The following AUTS2 variants were observed in gnomAD, a reference collection of about 807,000 sequenced individuals.
AUTS2 encodes the protein activator of transcription and developmental regulator AUTS2, also known as autism susceptibility gene 2 protein.
AUTS2 carries 17 observed loss-of-function variants against 112.4 expected under a neutral mutation model. The observed-to-expected ratio is 0.15, with a 90% CI of 0.10 to 0.23. The LOEUF is 0.23. Among genes scored for constraint, AUTS2 ranks in the 10% least tolerant of loss-of-function variants. The pLI is 1.00. For synonymous variants in AUTS2, 751 were observed against 702.7 expected (o/e 1.07, Z -1.09); for missense variants, 1,510 against 1,701.6 (o/e 0.89, Z 1.98).
chr7:70,482,113 T>C (rs1469260811), intron 5 of AUTS2, among the ~76,000 whole-genome samples: 1 of 152,194 alleles, frequency 6.6e-6, no homozygotes, highest in East Asian at 1.9e-4. Flanking sequence ...TTTTGATTTC[T>C]TTGAAGATAA....
In AUTS2 at chr7:70,155,585, C is replaced by T. The variant is rs531098856; in HGVS notation, c.660+21014C>T. On this transcript the variant is annotated intron_variant, in intron 4 of 18. Coordinates refer to ENST00000342771, the MANE Select transcript of AUTS2 (RefSeq NM_015570.4). ...TTGTTTTTAATCCTTTCTCGGTATC[C>T]GTCTCTGGCCATCCTTATCTTTACT... 5.9e-5 allele frequency among the ~76,000 whole-genome samples: 9 copies of T among 151,838 alleles called. No individual in the cohort carries two copies. In the East Asian group the frequency reaches 7.7e-4, roughly 13 times the overall value.
At chr7:69,951,533 C>T (rs895817599) in intron 2 of AUTS2, among the ~76,000 whole-genome samples, 1 of 152,080 alleles carries the variant, frequency 6.6e-6, no homozygotes, top group Admixed American at 6.6e-5. Context: ...AGAAGCCATC[C>T]GTTTTGCATT....
chr7:70,498,653 C>G (rs1798655479), intron 5 of AUTS2, among the ~76,000 whole-genome samples: 1 of 152,130 alleles, frequency 6.6e-6, no homozygotes, highest in Admixed American at 6.5e-5. Flanking sequence ...GGAGCCTGTT[C>G]AAACTCATTT....
chr7:70,746,722 G>A (rs368729652), intron 6 of AUTS2, among the ~76,000 whole-genome samples: 2 of 152,152 alleles, frequency 1.3e-5, no homozygotes, highest in African/African-American at 4.8e-5. Flanking sequence ...AGAGGGAGAG[G>A]GGGGCAGGCC....
intron 5 of AUTS2, among the ~76,000 whole-genome samples, chr7:70,480,200 C>T (rs1585195157): frequency 6.6e-6 from 1 of 152,334 alleles, no homozygotes; most frequent in East Asian, 1.9e-4. Context: ...CGGATATGTC[C>T]AGTGTATGTG....
At chr7:69,648,325 A>G (rs956462924) in intron 1 of AUTS2, among the ~76,000 whole-genome samples, 4 of 152,212 alleles carry the variant, frequency 2.6e-5, no homozygotes, top group African/African-American at 9.7e-5. Flanking sequence ...CTGCTTAAGA[A>G]GTAAAACATT....
At chr7:69,867,243 A>G (rs1468453125) in intron 1 of AUTS2, among the ~76,000 whole-genome samples, 1 of 152,190 alleles carries the variant, frequency 6.6e-6, no homozygotes, top group African/African-American at 2.4e-5. Context: ...GGAGGCAGAT[A>G]GGCCTTGAGG....
chr7:70,631,118 G>A lies in AUTS2; in HGVS notation c.691-67451G>A, dbSNP rs975395358. On this transcript the variant is annotated intron_variant, in intron 5 of 18. Transcript: ENST00000342771. This position sits in a 1 kb window ranked among gnomAD's most constrained non-coding sequence, Gnocchi z 4.5. Reference sequence around the variant, plus strand: ...CAGCAGCAGCCACAGCCAGCAACCCGCTCTGGCCCCTCGCCGCGCCATTCC... The same window carrying A: ...CAGCAGCAGCCACAGCCAGCAACCCACTCTGGCCCCTCGCCGCGCCATTCC... Among the ~76,000 whole-genome samples the A allele has an allele frequency of 9.2e-5, 14 of 152,256 alleles. No homozygotes were observed. The highest frequency in any genetic ancestry group is 2.1e-4 in the South Asian group (1 of 4,820).
intron 4 of AUTS2, among the ~76,000 whole-genome samples, chr7:70,258,343 T>A (rs1786989881): frequency 6.6e-6 from 1 of 152,210 alleles, no homozygotes; most frequent in South Asian, 2.1e-4. Context: ...CAGTAGCAAA[T>A]GTCATCAAAG....
intron 4 of AUTS2, among the ~76,000 whole-genome samples, chr7:70,142,206 C>T (rs1042851021): frequency 1.3e-5 from 2 of 152,134 alleles, no homozygotes; most frequent in Non-Finnish European, 1.5e-5. Flanking sequence ...AGCCCTCAGC[C>T]GTTATCTCTC....
chr7:70,009,590 A>C (rs1017939647), intron 2 of AUTS2, among the ~76,000 whole-genome samples: 2 of 152,210 alleles, frequency 1.3e-5, no homozygotes, highest in African/African-American at 2.4e-5. Context: ...GGTTTTATGC[A>C]CCTACTAAGT....
intron 1 of AUTS2, among the ~76,000 whole-genome samples, chr7:69,753,354 GT>G (rs11355878): frequency 0.18 from 26,175 of 148,156 alleles, 2,552 homozygotes; most frequent in Middle Eastern, 0.23. Flanking sequence ...CTGTTGATCT[GT>G]TTTTTTTTTT....
chr7:70,781,033 G>A (rs1791034712), intron 14 of AUTS2, among the ~76,000 whole-genome samples: 1 of 152,100 alleles, frequency 6.6e-6, no homozygotes, highest in Admixed American at 6.5e-5. Context: ...TCCATAAATA[G>A]GATATGGTTT....
chr7:70,561,561 G>A (rs768500751), intron 5 of AUTS2, among the ~76,000 whole-genome samples: 68 of 152,266 alleles, frequency 4.5e-4, no homozygotes, highest in Non-Finnish European at 9.1e-4. Flanking sequence ...AGGAGTTTGA[G>A]GCTGCAGTGA....
At chr7:70,328,106 C>T (rs547687828) in intron 4 of AUTS2, among the ~76,000 whole-genome samples, 7 of 152,230 alleles carry the variant, frequency 4.6e-5, no homozygotes, top group Non-Finnish European at 7.4e-5. Flanking sequence ...CAGCAGGACC[C>T]CTTCTACCTT....
At chr7:70,020,971 T>C (rs1234717498) in intron 2 of AUTS2, among the ~76,000 whole-genome samples, 1 of 151,000 alleles carries the variant, frequency 6.6e-6, no homozygotes, top group Non-Finnish European at 1.5e-5. Flanking sequence ...ATGCCCAGCC[T>C]AGAAACTTTT....
intron 4 of AUTS2, among the ~76,000 whole-genome samples, chr7:70,297,089 A>G (rs550294008): frequency 6.8e-6 from 1 of 147,846 alleles, no homozygotes; most frequent in East Asian, 2.0e-4. Flanking sequence ...GACTCAAGCC[A>G]TCCTCCCACC....
rs188422604 is a variant in AUTS2, at chr7:70,786,797, G to T, written c.2309-412G>T. On this transcript the variant is annotated intron_variant, in intron 17 of 18. Transcript: ENST00000342771. ...TCTGGTCTCTGGTGACACTTGAGAG[G>T]GCCACGGTGGGTAGAGGAGACAGTG... 1.7e-4 allele frequency: 53 copies of T among 313,350 alleles called. 1 individual carries two copies. The East Asian group carries it at 4.2e-3, about 25-fold the overall frequency. The allele number at this position is 313,350 out of a possible 1,614,324, so 19.4% of individuals were successfully genotyped here.
At chr7:69,631,625 G>A (rs996557993) in intron 1 of AUTS2, among the ~76,000 whole-genome samples, 11 of 152,104 alleles carry the variant, frequency 7.2e-5, no homozygotes, top group Non-Finnish European at 1.5e-4. Flanking sequence ...TCACCCCATG[G>A]ATATACATAA....
Sources: allele counts gnomAD v4.1 joint callset (sites outside exome capture counted in the v4.1 genomes callset), GRCh38; gene constraint gnomAD v4.1.1; non-coding constraint Gnocchi (gnomAD v3.1); transcripts MANE v1.5; gene names NCBI Gene and HGNC (gene_info 2026-07-23, HGNC 2026-07-21).